The following LASP1 variants were observed in gnomAD, a reference collection of about 807,000 sequenced individuals.
LASP1 encodes the protein LIM and SH3 domain protein 1.
LASP1 carries 10 observed loss-of-function variants against 38.6 expected under a neutral mutation model. That is an observed-to-expected ratio of 0.26 (90% CI 0.16 to 0.44). The LOEUF (loss-of-function observed/expected upper bound fraction) is 0.44, where lower values mean the gene tolerates loss of function less well. Ranked by LOEUF, LASP1 falls within the 20% of genes least tolerant of loss-of-function variation. LASP1 has a pLI of 1.00. For missense variants in LASP1, 243 were observed against 375.7 expected (o/e 0.65, Z 2.92); for synonymous variants, 132 against 140.8 (o/e 0.94, Z 0.44).
chr17:38,919,989 A>G lies in LASP1; in HGVS notation c.*1211A>G. 1 of 535,056 alleles carries G rather than the reference A, an allele frequency of 1.9e-6. No homozygotes were observed. The highest frequency in any genetic ancestry group is 3.6e-6 in the Non-Finnish European group (1 of 276,758). 33.1% of individuals were successfully genotyped at this position (535,056 alleles called of 1,614,324 possible). A position where few individuals can be genotyped will look rare whatever the true frequency, so the allele number is the denominator to read the frequency against. ...GTCTTCCCCTGAGAGTTTCCTCAGA[A>G]CCCACAGTGAGAGGGGAGGGCTCCT... On this transcript the variant is annotated 3_prime_UTR_variant, in exon 7 of 7. Transcript: ENST00000318008.
chr17:38,895,143 C>T (rs1914448654), intron 3 of LASP1, among the ~76,000 whole-genome samples: 1 of 151,492 alleles, frequency 6.6e-6, no homozygotes, highest in Non-Finnish European at 1.5e-5. Flanking sequence ...GTATTTCGCT[C>T]AATAAATTTT....
intron 4 of LASP1, among the ~76,000 whole-genome samples, chr17:38,910,672 C>G (rs1914911984): frequency 6.6e-6 from 1 of 151,282 alleles, no homozygotes; most frequent in Non-Finnish European, 1.5e-5. Flanking sequence ...TCTGGAAGGC[C>G]CCAGAACCCG....
At chr17:38,870,307 C>T in intron 1 of LASP1, 49 bp downstream of exon 1, 1 of 1,595,610 alleles carries the variant, frequency 6.3e-7, no homozygotes, top group Non-Finnish European at 8.6e-7. Context: ...CGCAGTGCTC[C>T]GAATCCAGGG....
intron 2 of LASP1, among the ~76,000 whole-genome samples, chr17:38,880,833 T>C (rs968180770): frequency 6.6e-6 from 1 of 151,870 alleles, no homozygotes; most frequent in East Asian, 1.9e-4. Context: ...AGGCCTGGCA[T>C]AGTGGCTCAC....
chr17:38,878,272 A>G (rs909105492), intron 2 of LASP1, 92 bp downstream of exon 2: 6 of 806,826 alleles, frequency 7.4e-6, no homozygotes, highest in East Asian at 7.4e-5. Context: ...GCAAGGTGAC[A>G]TTGGCGAACA....
At chr17:38,874,876 G>A (rs1178180185) in intron 1 of LASP1, among the ~76,000 whole-genome samples, 1 of 152,092 alleles carries the variant, frequency 6.6e-6, no homozygotes, top group East Asian at 1.9e-4. Context: ...GAACCACTGG[G>A]TCCAGTGTTG....
chr17:38,884,349 C>A (rs1914046079), intron 2 of LASP1, among the ~76,000 whole-genome samples: 1 of 151,194 alleles, frequency 6.6e-6, no homozygotes, highest in African/African-American at 2.4e-5. Context: ...TCCTGGGACA[C>A]AGGGCCTCTT....
Position 38,880,422 on chromosome 17 carries a change from T to C in LASP1, c.164+2242T>C, listed in dbSNP as rs573592939. Among the ~76,000 whole-genome samples the C allele has an allele frequency of 5.3e-5, 8 of 152,264 alleles. No homozygotes were observed. In the East Asian group the frequency reaches 1.5e-3, roughly 29 times the overall value. ...GGGAGCCAGAAGAGGCAGATCAAGG[T>C]TTCTTCTCTGGGTGATGCTTCCAAC... On this transcript the variant is annotated intron_variant, in intron 2 of 6. Transcript: ENST00000318008.
chr17:38,870,951 C>A (rs1407543510), intron 1 of LASP1, among the ~76,000 whole-genome samples: 3 of 152,214 alleles, frequency 2.0e-5, no homozygotes, highest in Admixed American at 1.3e-4. Flanking sequence ...CGGTGCTGGG[C>A]CGTCCAGCCT....
intron 2 of LASP1, among the ~76,000 whole-genome samples, chr17:38,879,234 C>T (rs1913870799): frequency 7.0e-6 from 1 of 143,682 alleles, no homozygotes; most frequent in Admixed American, 7.2e-5. Context: ...TGGCTCACTG[C>T]AACCTCCGCC....
chr17:38,902,459 G>A lies in LASP1; in HGVS notation c.357+3940G>A, dbSNP rs577106705. On this transcript the variant is annotated intron_variant, in intron 4 of 6. Coordinates refer to ENST00000318008, the MANE Select transcript of LASP1 (RefSeq NM_006148.4). ...TGGACTTAAGTGATCCGCCCACCTC[G>A]GCCTCCCAAAGTTCTGGGACTACTA... Among the ~76,000 whole-genome samples, 20 of 146,084 alleles carry A rather than the reference G, an allele frequency of 1.4e-4. No homozygotes were observed. The South Asian group carries it at 3.8e-3, about 28-fold the overall frequency.
rs1914932887 is a variant in LASP1 at position 38,911,240 on chromosome 17, G to A, written c.358-3085G>A. On this transcript the variant is annotated intron_variant, in intron 4 of 6. Coordinates refer to ENST00000318008, the MANE Select transcript of LASP1 (RefSeq NM_006148.4). Reference sequence around the variant, plus strand: ...AGTCCCAGGTGCTATGGAAGCCCTGGGTTCAGCCTGGAGCCAGGGCCAGCG... The same window carrying A: ...AGTCCCAGGTGCTATGGAAGCCCTGAGTTCAGCCTGGAGCCAGGGCCAGCG... 2.0e-5 allele frequency among the ~76,000 whole-genome samples: 3 copies of A among 152,262 alleles called. No homozygotes were observed. The South Asian group carries it at 6.2e-4, about 32-fold the overall frequency.
At chr17:38,912,898 G>T (rs1249961235) in intron 4 of LASP1, among the ~76,000 whole-genome samples, 1 of 152,196 alleles carries the variant, frequency 6.6e-6, no homozygotes, top group African/African-American at 2.4e-5. Flanking sequence ...TCTGGTAGTG[G>T]AGGTGGGGCT....
intron 6 of LASP1, 192 bp downstream of exon 6, chr17:38,915,338 C>G (rs1231883265): frequency 1.9e-6 from 1 of 516,570 alleles, no homozygotes; most frequent in Non-Finnish European, 3.5e-6. Flanking sequence ...TGGGGCCCTG[C>G]GTTCCAGCCC....
At position 38,914,100 on chromosome 17, in the gene LASP1, T is replaced by C. The variant is rs1270702015; in HGVS notation, c.358-225T>C. 2.6e-5 allele frequency among the ~76,000 whole-genome samples: 4 copies of C among 152,118 alleles called. No homozygotes were observed. The East Asian group carries it at 5.8e-4, about 22-fold the overall frequency. ...GTCATTTCATTGCATTCTCCAACAG[T>C]GTCTGAGGGAGACTGGTGTCTCATT... On this transcript the variant is annotated intron_variant, in intron 4 of 6. Coordinates refer to ENST00000318008, the MANE Select transcript of LASP1 (RefSeq NM_006148.4).
chr17:38,891,107 G>A (rs1433107354), intron 3 of LASP1, among the ~76,000 whole-genome samples: 5 of 150,566 alleles, frequency 3.3e-5, no homozygotes, highest in Non-Finnish European at 1.5e-5. Context: ...GGAGGAATAA[G>A]CAAAGGGTCT....
At chr17:38,882,595 T>C (rs556873368) in intron 2 of LASP1, among the ~76,000 whole-genome samples, 61 of 152,232 alleles carry the variant, frequency 4.0e-4, no homozygotes, top group Non-Finnish European at 8.2e-4. Context: ...CTGCTCTTGG[T>C]GAGAGAGATA....
intron 4 of LASP1, 22 bp downstream of exon 4, chr17:38,898,541 C>A (rs200496433): frequency 6.7e-7 from 1 of 1,498,410 alleles, no homozygotes; most frequent in East Asian, 2.5e-5. Flanking sequence ...CCCTGCCCTG[C>A]GGCATCCCTG....
At chr17:38,886,759 C>T (rs1914153102) in intron 2 of LASP1, among the ~76,000 whole-genome samples, 2 of 152,026 alleles carry the variant, frequency 1.3e-5, no homozygotes, top group South Asian at 2.1e-4. Flanking sequence ...TGGAGGCGCC[C>T]ATCGGTGCAG....
Sources: gnomAD v4.1 joint callset for allele counts (sites outside exome capture counted in the v4.1 genomes callset) on GRCh38, gnomAD v4.1.1 for gene constraint, MANE v1.5 for transcripts, NCBI Gene and HGNC (gene_info 2026-07-23, HGNC 2026-07-21) for gene names.